Variants in MEX3D observed in about 807,000 individuals in gnomAD.
MEX3D encodes RNA-binding protein MEX3D.
Under a neutral mutation model 6.3 loss-of-function variants are expected in MEX3D, and 4 were observed. The ratio of observed to expected loss-of-function variants is 0.64; its 90% CI spans 0.31 to 1.46. The LOEUF is 1.46. MEX3D is among the 40% of genes most tolerant of loss of function. The pLI is 0.07. For synonymous variants in MEX3D, 626 were observed against 494.1 expected (o/e 1.27, Z -3.54); for missense variants, 1,038 against 994.4 (o/e 1.04, Z -0.59).
At chr19:1,565,648 G>A (rs1225885827) in intron 1 of MEX3D, among the ~76,000 whole-genome samples, 1 of 152,198 alleles carries the variant, frequency 6.6e-6, no homozygotes, top group Non-Finnish European at 1.5e-5. Context: ...CAGGGCCACG[G>A]CGGCCTGCAG....
Position 1,556,121 on chromosome 19 carries a change from C to A in MEX3D, c.1398G>T (p.Val466=). 1 of 1,461,438 alleles carries A rather than the reference C, an allele frequency of 6.8e-7. No individual in the cohort carries two copies. The highest frequency in any genetic ancestry group is 1.2e-5 in the South Asian group (1 of 80,464). The allele number at this position is 1,461,438 out of a possible 1,614,324, so 90.5% of individuals were successfully genotyped here. Reference sequence around the variant, plus strand: ...GCGCCCAGATGGTGGCCGCGGCGGGCACGGTCAGGTCCAGCGCCAGGAAGT... The same window carrying A: ...GCGCCCAGATGGTGGCCGCGGCGGGAACGGTCAGGTCCAGCGCCAGGAAGT... ...DFDFLALDLT[V]PAAATIWAPF... is the part of the protein sequence containing the mutation. The change falls in exon 2 of 2, where the codon GTG becomes GTT. Residue 466 remains valine (V), a synonymous_variant. Transcript: ENST00000402693. The surrounding 1 kb of genome is among the most constrained non-coding windows in gnomAD (Gnocchi z 7.5).
intron 1 of MEX3D, among the ~76,000 whole-genome samples, chr19:1,564,493 A>G (rs1914791706): frequency 6.7e-6 from 1 of 149,102 alleles, no homozygotes; most frequent in African/African-American, 2.5e-5. Context: ...GGATCGTGCC[A>G]TTGCACTCCA....
chr19:1,567,652 G>C lies in MEX3D; in HGVS notation c.407C>G (p.Pro136Arg). ...GGGGGGCGACGGCCGGGGCGGCGGCGGCGGCGGGGGACTCGCGTTGGGGTC... is the reference window on the plus strand; with the variant it reads ...GGGGGGCGACGGCCGGGGCGGCGGCCGCGGCGGGGGACTCGCGTTGGGGTC... The part of the protein sequence containing the change: ...LLDPNASPPP[P>R]PPPRPSPPDV... Residue 136 changes from proline (P) to arginine (R), a missense_variant, in exon 1 of 2, where the codon CCG becomes CGG. This residue lies in a region of MEX3D where 265 missense variants were observed against 206.3 expected (regional missense o/e 1.28). Transcript: ENST00000402693. This position sits in a 1 kb window ranked among gnomAD's most constrained non-coding sequence, Gnocchi z 6.5. 1.6e-6 allele frequency: 2 copies of C among 1,224,162 alleles called. No homozygotes were observed. The highest frequency in any genetic ancestry group is 2.0e-6 in the Non-Finnish European group (2 of 975,924). 75.8% of individuals were successfully genotyped at this position (1,224,162 alleles called of 1,614,324 possible).
At chr19:1,560,824 A>C (rs1450775847) in intron 1 of MEX3D, among the ~76,000 whole-genome samples, 1 of 152,132 alleles carries the variant, frequency 6.6e-6, no homozygotes, top group Non-Finnish European at 1.5e-5. Flanking sequence ...CTGCTTTGAC[A>C]CGTGCTGGCC....
chr19:1,556,812 G>T lies in MEX3D; in HGVS notation c.707C>A (p.Ala236Asp). ...GGCCGCCGACAGGATCTCACGCTTG[G>T]CCATCTCCACGTCCTCCTTCCGGCC... The part of the protein sequence containing the change: ...VTGRKEDVEM[A>D]KREILSAAEH... Residue 236 changes from alanine (A) to aspartate (D), a missense_variant, in exon 2 of 2, where the codon GCC becomes GAC. Transcript: ENST00000402693. This position sits in a 1 kb window ranked among gnomAD's most constrained non-coding sequence, Gnocchi z 7.5. 6.2e-7 allele frequency: 1 copy of T among 1,612,634 alleles called. No individual in the cohort carries two copies. The highest frequency in any genetic ancestry group is 8.5e-7 in the Non-Finnish European group (1 of 1,179,806).
In MEX3D at chr19:1,567,729, G is replaced by A; in HGVS notation, c.330C>T (p.Gly110=). Residue 110 remains glycine (G), a synonymous_variant, in exon 1 of 2, where the codon GGC becomes GGT. Transcript: ENST00000402693. This position sits in a 1 kb window ranked among gnomAD's most constrained non-coding sequence, Gnocchi z 6.5. ...EPVPPDGPEA[G]APPTLAPAVA... ...CGGCGGGGGCCAGGGTCGGGGGCGC[G>A]CCGGCCTCAGGTCCGTCGGGGGGCA... 16 of 992,048 alleles carry A rather than the reference G, an allele frequency of 1.6e-5. No individual in the cohort carries two copies. Among genetic ancestry groups the A allele is most frequent in the Non-Finnish European group, 1.9e-5 (16 of 826,038 alleles). The allele number at this position is 992,048 out of a possible 1,614,324, so 61.5% of individuals were successfully genotyped here.
Position 1,555,542 on chromosome 19 carries a change from G to C in MEX3D, c.*21C>G. 1.4e-6 allele frequency: 2 copies of C among 1,435,340 alleles called. No homozygotes were observed. The highest frequency in any genetic ancestry group is 1.9e-6 in the Non-Finnish European group (2 of 1,076,294). 88.9% of individuals were successfully genotyped at this position (1,435,340 alleles called of 1,614,324 possible). On this transcript the variant is annotated 3_prime_UTR_variant, in exon 2 of 2. Coordinates refer to ENST00000402693, the MANE Select transcript of MEX3D (RefSeq NM_203304.4). ...ACCCCTGGCCCCCGCAGATGGCCCC[G>C]GCCACGTGGTGGTCCGCGCTCTAGG...
In MEX3D at chr19:1,556,282, G is replaced by A; in HGVS notation, c.1237C>T (p.Pro413Ser). Residue 413 changes from proline to serine, a missense_variant, in exon 2 of 2, where the codon CCC (proline) becomes TCC (serine). This residue lies in a region of MEX3D where 581 missense variants were observed against 516.2 expected (regional missense o/e 1.13). Coordinates refer to ENST00000402693, the MANE Select transcript of MEX3D (RefSeq NM_203304.4). This position sits in a 1 kb window ranked among gnomAD's most constrained non-coding sequence, Gnocchi z 7.5. The part of the protein sequence containing the change: ...EAFYAGSRGG[P>S]SVPDPGPASP... The stretch of plus-strand genomic sequence containing the variant: ...GCGGGGCCTGGGTCCGGCACGGAGG[G>A]GCCGCCGCGGCTGCCCGCGTAGAAG... 5.5e-6 allele frequency: 7 copies of A among 1,275,804 alleles called. No homozygotes were observed. Among genetic ancestry groups the A allele is most frequent in the East Asian group, 3.7e-5 (1 of 26,712 alleles). The allele number at this position is 1,275,804 out of a possible 1,614,324, so 79.0% of individuals were successfully genotyped here. A position where few individuals can be genotyped will look rare whatever the true frequency, so the allele number is the denominator to read the frequency against.
In MEX3D at chr19:1,556,058, G is replaced by T; in HGVS notation, c.1461C>A (p.Gly487=). The stretch of plus-strand genomic sequence containing the variant: ...CCGGGGCTCCGTTGACCGTGGAGCA[G>T]CCGCTGAAGGCGGGCAAGGGGGCGG... ...ERAAPLPAFS[G]CSTVNGAPGP... The change falls in exon 2 of 2, where the codon GGC becomes GGA. Residue 487 remains glycine (G), a synonymous_variant. Coordinates refer to ENST00000402693, the MANE Select transcript of MEX3D (RefSeq NM_203304.4). The surrounding 1 kb of genome is among the most constrained non-coding windows in gnomAD (Gnocchi z 7.5). 1 of 1,381,954 alleles carries T rather than the reference G, an allele frequency of 7.2e-7. No homozygotes were observed. The allele number at this position is 1,381,954 out of a possible 1,614,324, so 85.6% of individuals were successfully genotyped here. A position where few individuals can be genotyped will look rare whatever the true frequency, so the allele number is the denominator to read the frequency against.
chr19:1,567,919 C>T lies in MEX3D; in HGVS notation c.140G>A (p.Arg47Gln). The change falls in exon 1 of 2, where the codon CGG (arginine) becomes CAG (glutamine). Residue 47 changes from arginine to glutamine, a missense_variant. Physicochemically the swap from Arg to Gln is conservative, Grantham distance 43 (BLOSUM62 1). Coordinates refer to ENST00000402693, the MANE Select transcript of MEX3D (RefSeq NM_203304.4). The surrounding 1 kb of genome is among the most constrained non-coding windows in gnomAD (Gnocchi z 6.5). ...EGAQEAAPAP[R>Q]PPPEPDDAAA... ...CGCGTCGTCGGGTTCGGGCGGCGGC[C>T]GGGGCGCGGGCGCGGCCTCCTGGGC... 1 of 977,034 alleles carries T rather than the reference C, an allele frequency of 1.0e-6. No homozygotes were observed. Among genetic ancestry groups the T allele is most frequent in the Non-Finnish European group, 1.2e-6 (1 of 826,972 alleles). 60.5% of individuals were successfully genotyped at this position (977,034 alleles called of 1,614,324 possible).
At position 1,559,390 on chromosome 19, in the gene MEX3D, C is replaced by T. The variant is rs1035968589; in HGVS notation, c.596-2467G>A. ...TCAGGTGATCCACCTGCCTTGGCCT[C>T]CCAAAGTGCTGGGATTACAGGCGTG... is the stretch of plus-strand genomic sequence containing the variant. On this transcript the variant is annotated intron_variant, in intron 1 of 1. Coordinates refer to ENST00000402693, the MANE Select transcript of MEX3D (RefSeq NM_203304.4). Among the ~76,000 whole-genome samples the T allele has an allele frequency of 2.6e-5, 4 of 152,220 alleles. No homozygotes were observed. The East Asian group carries it at 7.7e-4, about 29-fold the overall frequency.
chr19:1,559,652 A>C (rs1914669645), intron 1 of MEX3D, among the ~76,000 whole-genome samples: 1 of 152,256 alleles, frequency 6.6e-6, no homozygotes, highest in African/African-American at 2.4e-5. Context: ...TACAGTCAGA[A>C]GGTGGCTCTG....
intron 1 of MEX3D, among the ~76,000 whole-genome samples, chr19:1,566,000 T>C (rs1914829723): frequency 6.6e-6 from 1 of 152,226 alleles, no homozygotes; most frequent in Non-Finnish European, 1.5e-5. Flanking sequence ...GTGCCTTTGG[T>C]CACTTGGTCC....
chr19:1,555,876 C>T lies in MEX3D; in HGVS notation c.1643G>A (p.Gly548Asp). ...VGALSWRPPQ[G>D]PVSFPGGAAF... ...GGCGCCGCCTGGGAAGGATACGGGGCCCTGCGGGGGTCGCCAGGACAGCGC... is the reference window on the plus strand; with the variant it reads ...GGCGCCGCCTGGGAAGGATACGGGGTCCTGCGGGGGTCGCCAGGACAGCGC... Residue 548 changes from glycine (G) to aspartate (D), a missense_variant, in exon 2 of 2, where the codon GGC (glycine) becomes GAC (aspartate). By Grantham distance (94) the Gly-to-Asp change is moderately conservative. Coordinates refer to ENST00000402693, the MANE Select transcript of MEX3D (RefSeq NM_203304.4). The T allele has an allele frequency of 7.6e-7, 1 of 1,308,100 alleles. No homozygotes were observed. Among genetic ancestry groups the T allele is most frequent in the Non-Finnish European group, 9.7e-7 (1 of 1,031,836 alleles). 81.0% of individuals were successfully genotyped at this position (1,308,100 alleles called of 1,614,324 possible).
rs1275197632 is a variant in MEX3D at position 1,555,189 on chromosome 19, A to G, written c.*374T>C. 4.7e-6 allele frequency: 4 copies of G among 845,102 alleles called. No homozygotes were observed. Among genetic ancestry groups the G allele is most frequent in the Admixed American group, 3.9e-5 (1 of 25,962 alleles). 52.4% of individuals were successfully genotyped at this position (845,102 alleles called of 1,614,324 possible). On this transcript the variant is annotated 3_prime_UTR_variant, in exon 2 of 2. Coordinates refer to ENST00000402693, the MANE Select transcript of MEX3D (RefSeq NM_203304.4). Reference sequence around the variant, plus strand: ...CAGAAAACGGCTTCGGACGAAAGGAAAAAACGCTGAGCGCTGGAAAAGTCG... The same window carrying G: ...CAGAAAACGGCTTCGGACGAAAGGAGAAAACGCTGAGCGCTGGAAAAGTCG...
chr19:1,565,781 G>A (rs960433924), intron 1 of MEX3D, among the ~76,000 whole-genome samples: 3 of 152,208 alleles, frequency 2.0e-5, no homozygotes, highest in African/African-American at 7.2e-5. Context: ...GGTGGGGGCT[G>A]AGCCTGGTGC....
intron 1 of MEX3D, among the ~76,000 whole-genome samples, chr19:1,561,864 C>G (rs1029886122): frequency 1.3e-5 from 2 of 152,070 alleles, no homozygotes; most frequent in Admixed American, 6.5e-5. Flanking sequence ...CCAGGCTGGT[C>G]TGGAACTCTT....
chr19:1,562,852 TA>T (rs1055919298), intron 1 of MEX3D, among the ~76,000 whole-genome samples: 12 of 151,622 alleles, frequency 7.9e-5, no homozygotes, highest in African/African-American at 2.7e-4. Context: ...CCGTCTCTAC[TA>T]AAAATACAAA....
intron 1 of MEX3D, among the ~76,000 whole-genome samples, chr19:1,566,412 C>A (rs546286058): frequency 1.3e-5 from 2 of 152,322 alleles, no homozygotes; most frequent in African/African-American, 4.8e-5. Flanking sequence ...GATGACCTTG[C>A]AATCCCAGCC....
Sources: gnomAD v4.1 joint callset for allele counts (sites outside exome capture counted in the v4.1 genomes callset) on GRCh38, gnomAD v4.1.1 for gene constraint, gnomAD v4.1.1 regional missense constraint, Gnocchi (gnomAD v3.1) non-coding constraint, MANE v1.5 for transcripts, NCBI Gene and HGNC (gene_info 2026-07-23, HGNC 2026-07-21) for gene names.